The following KCNJ4 variants were observed in gnomAD, a reference collection of about 807,000 sequenced individuals.
KCNJ4 encodes potassium inwardly rectifying channel subfamily J member 4, also known as inward rectifier potassium channel 4.
Under a neutral mutation model 25.6 loss-of-function variants are expected in KCNJ4, and 3 were observed. That is an observed-to-expected ratio of 0.12 (90% CI 0.05 to 0.30). KCNJ4 has a LOEUF of 0.30. Among genes scored for constraint, KCNJ4 ranks in the 10% least tolerant of loss-of-function variants. The pLI, the probability that KCNJ4 is intolerant of heterozygous loss-of-function variation, is 1.00. For synonymous variants in KCNJ4, 257 were observed against 283.9 expected (o/e 0.91, Z 0.95); for missense variants, 286 against 666.8 (o/e 0.43, Z 6.29).
chr22:38,452,631 C>T (rs1029824462), intron 1 of KCNJ4, among the ~76,000 whole-genome samples: 11 of 152,136 alleles, frequency 7.2e-5, no homozygotes, highest in African/African-American at 2.2e-4. Flanking sequence ...CGACAGATTG[C>T]GTGAGCCAAA....
At chr22:38,433,105 A>G (rs2093055002) in intron 1 of KCNJ4, among the ~76,000 whole-genome samples, 1 of 152,162 alleles carries the variant, frequency 6.6e-6, no homozygotes, top group Non-Finnish European at 1.5e-5. Context: ...GGCAAAATGA[A>G]GAAGTGACAA....
intron 1 of KCNJ4, among the ~76,000 whole-genome samples, chr22:38,434,705 C>G (rs570970774): frequency 6.6e-6 from 1 of 152,266 alleles, no homozygotes; most frequent in Admixed American, 6.5e-5. Flanking sequence ...CTCTCTGACC[C>G]TGCTACTCTG....
In KCNJ4 at chr22:38,429,566, C is replaced by G. The variant is rs534016344; in HGVS notation, c.-39-1395G>C. ...ACAGCAGGTGCTGGGGTAAAGCCAT[C>G]ACCCTCCTGCCTTCCTTCCCACACT... On this transcript the variant is annotated intron_variant, in intron 1 of 1. Transcript: ENST00000303592. Among the ~76,000 whole-genome samples the G allele has an allele frequency of 2.0e-4, 31 of 152,340 alleles. 1 individual carries two copies. The South Asian group carries it at 6.4e-3, about 32-fold the overall frequency.
intron 1 of KCNJ4, among the ~76,000 whole-genome samples, chr22:38,446,283 CCT>C (rs1247029645): frequency 6.6e-6 from 1 of 152,246 alleles, no homozygotes; most frequent in African/African-American, 2.4e-5. Flanking sequence ...GGCAAGTGGT[CCT>C]CTCTCTGCCC....
intron 1 of KCNJ4, among the ~76,000 whole-genome samples, chr22:38,437,396 C>T (rs2093068354): frequency 6.6e-6 from 1 of 152,258 alleles, no homozygotes; most frequent in Non-Finnish European, 1.5e-5. Context: ...ATCTTCCCCA[C>T]AGGGCTGTGA....
At chr22:38,428,294 T>C (rs1172315006) in intron 1 of KCNJ4, 123 bp from the exon 2 acceptor site, 1 of 909,700 alleles carries the variant, frequency 1.1e-6, no homozygotes, top group Non-Finnish European at 1.6e-6. Context: ...AGACTTCCTC[T>C]GCCCCGGCAG....
chr22:38,453,301 C>T (rs971613851), intron 1 of KCNJ4, among the ~76,000 whole-genome samples: 2 of 152,086 alleles, frequency 1.3e-5, no homozygotes, highest in African/African-American at 2.4e-5. Context: ...AACTGAGGTT[C>T]AGAGAGGTCA....
Position 38,428,277 on chromosome 22 carries a change from G to A in KCNJ4, c.-39-106C>T, listed in dbSNP as rs1293413386. The A allele has an allele frequency of 8.3e-6, 9 of 1,080,366 alleles. No individual in the cohort carries two copies. The Admixed American group carries it at 2.2e-4, about 26-fold the overall frequency. The allele number at this position is 1,080,366 out of a possible 1,614,324, so 66.9% of individuals were successfully genotyped here. On this transcript the variant is annotated intron_variant, in intron 1 of 1. Coordinates refer to ENST00000303592, the MANE Select transcript of KCNJ4 (RefSeq NM_152868.3). ...CTCAGAAGCAGGTGAGCCTGGACCA[G>A]GACCTAAGACTTCCTCTGCCCCGGC...
chr22:38,426,641 G>A lies in KCNJ4; in HGVS notation c.*154C>T. The A allele has an allele frequency of 3.1e-6, 3 of 967,104 alleles. No homozygotes were observed. Among genetic ancestry groups the A allele is most frequent in the Non-Finnish European group, 3.1e-6 (2 of 643,746 alleles). The allele number at this position is 967,104 out of a possible 1,614,324, so 59.9% of individuals were successfully genotyped here. A position where few individuals can be genotyped will look rare whatever the true frequency, so the allele number is the denominator to read the frequency against. ...TCCCAGGCCTGGGTGCTGGAGTCAG[G>A]AGGAAGGGGTCCCCCAGTCTTTGAA... On this transcript the variant is annotated 3_prime_UTR_variant, in exon 2 of 2. Transcript: ENST00000303592.
chr22:38,445,469 T>A (rs1179689980), intron 1 of KCNJ4, among the ~76,000 whole-genome samples: 1 of 152,218 alleles, frequency 6.6e-6, no homozygotes, highest in Non-Finnish European at 1.5e-5. Context: ...ACATCCTGTT[T>A]GTTATTTTAA....
intron 1 of KCNJ4, among the ~76,000 whole-genome samples, chr22:38,434,426 A>G (rs540307496): frequency 1.3e-5 from 2 of 152,300 alleles, no homozygotes; most frequent in Admixed American, 1.3e-4. Flanking sequence ...TTTAACAAGT[A>G]TGTATTAAGC....
At chr22:38,453,263 A>G (rs1343583731) in intron 1 of KCNJ4, among the ~76,000 whole-genome samples, 1 of 152,120 alleles carries the variant, frequency 6.6e-6, no homozygotes, top group Non-Finnish European at 1.5e-5. Context: ...TGAAGTCAGT[A>G]TCATCATACC....
intron 1 of KCNJ4, among the ~76,000 whole-genome samples, chr22:38,440,937 G>C (rs1445969801): frequency 6.6e-6 from 1 of 152,224 alleles, no homozygotes. Context: ...CGAGCCTCCA[G>C]AGGGAGAGTG....
At chr22:38,445,547 G>C (rs567376486) in intron 1 of KCNJ4, among the ~76,000 whole-genome samples, 1 of 152,026 alleles carries the variant, frequency 6.6e-6, no homozygotes, top group African/African-American at 2.4e-5. Context: ...GCAGTGATGC[G>C]ATCACAGCTC....
At chr22:38,440,494 ATCTTGCCACTGCAC>A (rs2089324851) in intron 1 of KCNJ4, among the ~76,000 whole-genome samples, 3 of 151,622 alleles carry the variant, frequency 2.0e-5, no homozygotes, top group Admixed American at 2.0e-4. Context: ...GTGAGCCAAG[ATCTTGCCACTGCAC>A]TCCAGCCTGG....
At chr22:38,436,823 C>G (rs1288212154) in intron 1 of KCNJ4, among the ~76,000 whole-genome samples, 1 of 152,182 alleles carries the variant, frequency 6.6e-6, no homozygotes, top group Non-Finnish European at 1.5e-5. Flanking sequence ...GCAACTTGCC[C>G]AAGGTCACAC....
rs995817463 is a variant in KCNJ4 at position 38,426,948 on chromosome 22, G to A, written c.1185C>T (p.Ala395=). The change falls in exon 2 of 2, where the codon GCC becomes GCT. Residue 395 remains alanine, a synonymous_variant. Transcript: ENST00000303592. ...EEMEEEAAAA[A]AVAAGLGLEA... ...CCAGGCCCAGGCCTGCGGCCACCGCGGCCGCCGCAGCTGCCTCCTCCTCCA... is the reference window on the plus strand; with the variant it reads ...CCAGGCCCAGGCCTGCGGCCACCGCAGCCGCCGCAGCTGCCTCCTCCTCCA... The A allele has an allele frequency of 1.7e-5, 28 of 1,612,380 alleles. No homozygotes were observed. Among genetic ancestry groups the A allele is most frequent in the Non-Finnish European group, 1.8e-5 (21 of 1,179,792 alleles).
At chr22:38,438,582 G>C (rs1431727227) in intron 1 of KCNJ4, among the ~76,000 whole-genome samples, 1 of 93,346 alleles carries the variant, frequency 1.1e-5, no homozygotes, top group Admixed American at 8.9e-5. Context: ...CCAGCTACCC[G>C]GGAGGCTGAG....
rs1016705956 is a variant in KCNJ4 at position 38,449,290 on chromosome 22, G to C, written c.-40+5690C>G. 6.6e-6 allele frequency among the ~76,000 whole-genome samples: 1 copy of C among 152,338 alleles called. No individual in the cohort carries two copies. The highest frequency in any genetic ancestry group is 2.1e-4 in the South Asian group (1 of 4,830). ...ACAGTAGGACAAAGCATCTGTGGCT[G>C]TTTCCACCCAGGAGCCTGGAACCAA... On this transcript the variant is annotated intron_variant, in intron 1 of 1. Coordinates refer to ENST00000303592, the MANE Select transcript of KCNJ4 (RefSeq NM_152868.3). This position sits in a 1 kb window ranked among gnomAD's most constrained non-coding sequence, Gnocchi z 5.2.
Sources: allele counts gnomAD v4.1 joint callset (sites outside exome capture counted in the v4.1 genomes callset), GRCh38; gene constraint gnomAD v4.1.1; non-coding constraint Gnocchi (gnomAD v3.1); transcripts MANE v1.5; gene names NCBI Gene and HGNC (gene_info 2026-07-23, HGNC 2026-07-21).